The following AUTS2 variants were observed in gnomAD, a reference collection of about 807,000 sequenced individuals.
AUTS2 encodes the protein autism susceptibility gene 2 protein.
AUTS2 carries 17 observed loss-of-function variants against 112.4 expected under a neutral mutation model. The ratio of observed to expected loss-of-function variants is 0.15; its 90% CI spans 0.10 to 0.23. The LOEUF is 0.23. Among genes scored for constraint, AUTS2 ranks in the 10% least tolerant of loss-of-function variants. AUTS2 has a pLI of 1.00. For missense variants in AUTS2, 1,510 were observed against 1,701.6 expected (o/e 0.89, Z 1.98); for synonymous variants, 751 against 702.7 (o/e 1.07, Z -1.09).
chr7:69,694,999 T>C (rs1351914627), intron 1 of AUTS2, among the ~76,000 whole-genome samples: 1 of 152,124 alleles, frequency 6.6e-6, no homozygotes, highest in Non-Finnish European at 1.5e-5. Context: ...TGGTAACCTA[T>C]GTTTTGTCAT....
In AUTS2 at chr7:70,789,949, G is replaced by A. The variant is rs770347566; in HGVS notation, c.2733G>A (p.Ala911=). The change falls in exon 19 of 19, where the codon GCG becomes GCA. Residue 911 remains alanine (A), a synonymous_variant. Transcript: ENST00000342771. ...ACCTGGCCGCCGACGAGCACAAGGC[G>A]AAAGAGGGCCACCTGCCCGAGAAGG... is the stretch of plus-strand genomic sequence containing the variant. ...RKDLAADEHK[A]KEGHLPEKDG... 25 of 1,613,644 alleles carry A rather than the reference G, an allele frequency of 1.5e-5. No homozygotes were observed. The highest frequency in any genetic ancestry group is 2.2e-5 in the South Asian group (2 of 91,050).
intron 4 of AUTS2, among the ~76,000 whole-genome samples, chr7:70,395,613 A>G (rs1205358061): frequency 6.6e-6 from 1 of 152,218 alleles, no homozygotes; most frequent in East Asian, 1.9e-4. Flanking sequence ...ATCTTTTCAC[A>G]AGTGATCTCA....
chr7:70,338,503 A>G (rs1022183634), intron 4 of AUTS2, among the ~76,000 whole-genome samples: 1 of 152,196 alleles, frequency 6.6e-6, no homozygotes, highest in Non-Finnish European at 1.5e-5. Flanking sequence ...GATCGCCTAC[A>G]TTGTATAATT....
intron 4 of AUTS2, among the ~76,000 whole-genome samples, chr7:70,318,414 G>A (rs2129617476): frequency 6.6e-6 from 1 of 152,192 alleles, no homozygotes; most frequent in East Asian, 1.9e-4. Flanking sequence ...CAGGGAAAGA[G>A]AATGAAGCAT....
chr7:70,079,144 C>A (rs1481369123), intron 2 of AUTS2, among the ~76,000 whole-genome samples: 5 of 152,084 alleles, frequency 3.3e-5, no homozygotes, highest in Admixed American at 1.3e-4. Context: ...TCTTTATGTA[C>A]CCCTTACACA....
intron 1 of AUTS2, among the ~76,000 whole-genome samples, chr7:69,746,075 A>G (rs1456343844): frequency 2.6e-5 from 4 of 151,806 alleles, no homozygotes; most frequent in South Asian, 2.1e-4. Context: ...CGGTCTCCCT[A>G]TGTTACCAAG....
intron 1 of AUTS2, among the ~76,000 whole-genome samples, chr7:69,843,377 T>C (rs888794448): frequency 6.6e-6 from 1 of 152,096 alleles, no homozygotes; most frequent in African/African-American, 2.4e-5. Context: ...TAGGGGCTTG[T>C]TCTTAGGGCA....
At chr7:69,807,296 T>C (rs1790351551) in intron 1 of AUTS2, among the ~76,000 whole-genome samples, 1 of 152,200 alleles carries the variant, frequency 6.6e-6, no homozygotes, top group Non-Finnish European at 1.5e-5. Context: ...ATTAGTTACA[T>C]ATGGGGTAAA....
intron 2 of AUTS2, among the ~76,000 whole-genome samples, chr7:70,116,405 A>C (rs963061610): frequency 1.3e-5 from 2 of 152,186 alleles, no homozygotes; most frequent in Non-Finnish European, 2.9e-5. Context: ...TAAAGACTAC[A>C]AGGAATGTTG....
chr7:70,460,990 G>T (rs1796940139), intron 5 of AUTS2, among the ~76,000 whole-genome samples: 1 of 152,142 alleles, frequency 6.6e-6, no homozygotes, highest in Non-Finnish European at 1.5e-5. Flanking sequence ...AGGGCAGAAG[G>T]TAAGTGGTGA....
At chr7:70,628,923 C>T (rs1335044249) in intron 5 of AUTS2, among the ~76,000 whole-genome samples, 1 of 151,786 alleles carries the variant, frequency 6.6e-6, no homozygotes, top group Non-Finnish European at 1.5e-5. Context: ...GGGTGGCAGA[C>T]ATTGGGGGGA....
chr7:70,447,426 A>G (rs905475889), intron 5 of AUTS2, among the ~76,000 whole-genome samples: 2 of 152,228 alleles, frequency 1.3e-5, no homozygotes, highest in Non-Finnish European at 2.9e-5. Context: ...AGAAGTAACT[A>G]TTGTTTAAAT....
chr7:69,897,432 G>A (rs1185302730), intron 1 of AUTS2, among the ~76,000 whole-genome samples: 1 of 152,052 alleles, frequency 6.6e-6, no homozygotes, highest in Non-Finnish European at 1.5e-5. Flanking sequence ...GATGGTACCT[G>A]TTCTCACATG....
chr7:70,733,146 T>C (rs985858193), intron 6 of AUTS2, among the ~76,000 whole-genome samples: 3 of 152,284 alleles, frequency 2.0e-5, no homozygotes, highest in Non-Finnish European at 4.4e-5. Flanking sequence ...CCGAAGTATA[T>C]AAAAAAGTTA....
chr7:70,744,651 A>G (rs723340), intron 6 of AUTS2, among the ~76,000 whole-genome samples: 74,550 of 152,048 alleles, frequency 0.49, 21,255 homozygotes, highest in East Asian at 0.77. Flanking sequence ...GCGAGGCTCC[A>G]TGCAGACAGG....
chr7:70,210,154 A>G (rs1810779859), intron 4 of AUTS2, among the ~76,000 whole-genome samples: 1 of 152,132 alleles, frequency 6.6e-6, no homozygotes, highest in Non-Finnish European at 1.5e-5. Flanking sequence ...AGCTTTTGTC[A>G]AGAATAACCC....
At chr7:70,426,419 A>C (rs1795440470) in intron 4 of AUTS2, among the ~76,000 whole-genome samples, 1 of 152,212 alleles carries the variant, frequency 6.6e-6, no homozygotes. Context: ...CCTGTCAAGC[A>C]TGATCCTTGT....
At chr7:70,500,172 CAA>C (rs140217403) in intron 5 of AUTS2, among the ~76,000 whole-genome samples, 19 of 106,792 alleles carry the variant, frequency 1.8e-4, no homozygotes, top group Non-Finnish European at 2.0e-4. Flanking sequence ...TGGTGGTCTT[CAA>C]AAAAAAAAAA....
chr7:69,996,164 G>A (rs568325094), intron 2 of AUTS2, among the ~76,000 whole-genome samples: 1 of 152,290 alleles, frequency 6.6e-6, no homozygotes, highest in East Asian at 1.9e-4. Context: ...TGGGTTGTTA[G>A]AGGTACTGTG....
Sources: allele counts gnomAD v4.1 joint callset (sites outside exome capture counted in the v4.1 genomes callset), GRCh38; gene constraint gnomAD v4.1.1; transcripts MANE v1.5; gene names NCBI Gene and HGNC (gene_info 2026-07-23, HGNC 2026-07-21).